Variants in TPSD1 observed in about 807,000 individuals in gnomAD.
TPSD1 encodes the protein tryptase delta 1.
In TPSD1, 30 loss-of-function variants were observed where a neutral mutation model predicts 25.4. That is an observed-to-expected ratio of 1.18 (90% CI 0.88 to 1.60). The LOEUF is 1.60. Among genes scored for constraint, TPSD1 ranks in the 40% most tolerant of loss-of-function variants. The probability of loss-of-function intolerance (pLI) is 0.00; values close to 1 mark genes in which losing one functional copy is unlikely to be tolerated. For synonymous variants in TPSD1, 176 were observed against 149.4 expected (o/e 1.18, Z -1.30); for missense variants, 420 against 324.2 (o/e 1.30, Z -2.27).
In TPSD1 at chr16:1,256,990, C is replaced by A. The variant is rs1292892290; in HGVS notation, c.448C>A (p.Pro150Thr). ...ISSHIHTVTL[P>T]PASETFPPGM... is the part of the protein sequence containing the mutation. ...CAGCCACATCCACACGGTCACGCTG[C>A]CCCCTGCCTCGGAGACCTTCCCCCC... Residue 150 changes from proline to threonine, a missense_variant, in exon 3 of 5, where the codon CCC (proline) becomes ACC (threonine). By Grantham distance (38) the Pro-to-Thr change is conservative. Coordinates refer to ENST00000211076, the MANE Select transcript of TPSD1 (RefSeq NM_012217.3). 1 of 1,613,534 alleles carries A rather than the reference C, an allele frequency of 6.2e-7. No individual in the cohort carries two copies. Among genetic ancestry groups the A allele is most frequent in the Middle Eastern group, 1.7e-4 (1 of 6,044 alleles).
Position 1,257,081 on chromosome 16 carries a change from G to A in TPSD1, c.520+19G>A, listed in dbSNP as rs778458088. 1.3e-5 allele frequency: 21 copies of A among 1,581,710 alleles called. No homozygotes were observed. The highest frequency in any genetic ancestry group is 4.0e-5 in the African/African-American group (3 of 74,618). ...AATAATGGTGGGTGTTGGGGACAGCGGGAGGCCGGGCCAGGTGGGCACCAA... is the reference window on the plus strand; with the variant it reads ...AATAATGGTGGGTGTTGGGGACAGCAGGAGGCCGGGCCAGGTGGGCACCAA... On this transcript the variant is annotated intron_variant, in intron 3 of 4. Transcript: ENST00000211076.
chr16:1,257,834 C>G (rs2031008112), intron 3 of TPSD1: 2 of 602,764 alleles, frequency 3.3e-6, no homozygotes, highest in Non-Finnish European at 2.9e-6. Context: ...ACCTCCAGGG[C>G]CCTCCCCTCC....
chr16:1,257,065 G>C lies in TPSD1; in HGVS notation c.520+3G>C. The C allele has an allele frequency of 6.2e-7, 1 of 1,602,362 alleles. No homozygotes were observed. The highest frequency in any genetic ancestry group is 1.3e-5 in the African/African-American group (1 of 74,910). ...CTGGGGCGACGTGGACAATAATGGT[G>C]GGTGTTGGGGACAGCGGGAGGCCGG... is the stretch of plus-strand genomic sequence containing the variant. On this transcript the variant is annotated splice_donor_region_variant and intron_variant, in intron 3 of 4. Coordinates refer to ENST00000211076, the MANE Select transcript of TPSD1 (RefSeq NM_012217.3).
chr16:1,257,931 G>C (rs531313712), intron 3 of TPSD1, 128 bp from the exon 4 acceptor site: 6 of 1,037,748 alleles, frequency 5.8e-6, no homozygotes, highest in African/African-American at 1.6e-5. Flanking sequence ...CCCCTTCCCC[G>C]GGGCTGCAGG....
At chr16:1,257,996 C>T (rs2031010754) in intron 3 of TPSD1, 63 bp from the exon 4 acceptor site, 3 of 1,516,078 alleles carry the variant, frequency 2.0e-6, no homozygotes, top group Non-Finnish European at 2.7e-6. Flanking sequence ...ACTCTGCCAC[C>T]AAGTCCACGA....
At position 1,258,606 on chromosome 16, in the gene TPSD1, GA is replaced by G. The variant is rs2031030250; in HGVS notation, c.*231del. On this transcript the variant is annotated 3_prime_UTR_variant, in exon 5 of 5. Transcript: ENST00000211076. The stretch of plus-strand genomic sequence containing the variant: ...TGCCCCCCACACCTTCCCCCATCCT[GA>G]GTCCCCTCTCCCATCCTGAGCCCTG... 1 of 1,205,522 alleles carries G rather than the reference GA, an allele frequency of 8.3e-7. No homozygotes were observed. Among genetic ancestry groups the G allele is most frequent in the Non-Finnish European group, 1.1e-6 (1 of 895,944 alleles). 74.7% of individuals were successfully genotyped at this position (1,205,522 alleles called of 1,614,324 possible). A position where few individuals can be genotyped will look rare whatever the true frequency, so the allele number is the denominator to read the frequency against.
Position 1,256,122 on chromosome 16 carries a change from C to G in TPSD1, c.-159C>G. ...TCCCTACTCTCAGAGACCCTGACAT[C>G]AGCGTCACCTGGAGCAGAGTGGCCC... On this transcript the variant is annotated 5_prime_UTR_variant, in exon 1 of 5. In the 5' UTR this introduces an upstream ATG that the reference lacks. Coordinates refer to ENST00000211076, the MANE Select transcript of TPSD1 (RefSeq NM_012217.3). The G allele has an allele frequency of 8.3e-7, 1 of 1,200,110 alleles. No individual in the cohort carries two copies. The highest frequency in any genetic ancestry group is 1.2e-6 in the Non-Finnish European group (1 of 845,640). The allele number at this position is 1,200,110 out of a possible 1,614,324, so 74.3% of individuals were successfully genotyped here.
Position 1,256,577 on chromosome 16 carries a change from G to C in TPSD1, c.144G>C (p.Lys48Asn). ...IVGGQEAPRS[K>N]WPWQVSLRVR... ...GGGGGCAGGAGGCCCCCAGGAGCAA[G>C]TGGCCCTGGCAGGTGAGCCTGAGAG... is the stretch of plus-strand genomic sequence containing the variant. The change falls in exon 2 of 5, where the codon AAG becomes AAC. Residue 48 changes from lysine (K) to asparagine (N), a missense_variant. By Grantham distance (94) the Lys-to-Asn change is moderately conservative (BLOSUM62 0). Transcript: ENST00000211076. 1 of 1,612,548 alleles carries C rather than the reference G, an allele frequency of 6.2e-7. No individual in the cohort carries two copies. Among genetic ancestry groups the C allele is most frequent in the Non-Finnish European group, 8.5e-7 (1 of 1,179,736 alleles).
In TPSD1 at chr16:1,258,519, G is replaced by C; in HGVS notation, c.*143G>C. The C allele has an allele frequency of 6.2e-7, 1 of 1,606,036 alleles. No individual in the cohort carries two copies. Among genetic ancestry groups the C allele is most frequent in the Non-Finnish European group, 8.5e-7 (1 of 1,175,568 alleles). ...TGAGCCAGGCCTGGGGTGTCCACCC[G>C]GGTCACTGGAGGGCCAGCCCCTCCT... On this transcript the variant is annotated 3_prime_UTR_variant, in exon 5 of 5. Coordinates refer to ENST00000211076, the MANE Select transcript of TPSD1 (RefSeq NM_012217.3).
At chr16:1,256,767 G>T (rs752409028) in intron 2 of TPSD1, 30 bp from the exon 3 acceptor site, 4 of 1,612,218 alleles carry the variant, frequency 2.5e-6, no homozygotes, top group South Asian at 2.2e-5. Context: ...GGGCTGCCCA[G>T]GGCCCTGAGT....
At chr16:1,257,095 G>A (rs770047627) in intron 3 of TPSD1, 33 bp downstream of exon 3, 3 of 1,562,050 alleles carry the variant, frequency 1.9e-6, no homozygotes, top group South Asian at 2.4e-5. Context: ...GGCCGGGCCA[G>A]GTGGGCACCA....
chr16:1,257,604 G>A (rs766593302), intron 3 of TPSD1, among the ~76,000 whole-genome samples: 9 of 152,190 alleles, frequency 5.9e-5, no homozygotes, highest in Non-Finnish European at 1.0e-4. Flanking sequence ...CAGCCTGAGC[G>A]GCAACCCTGG....
At position 1,258,563 on chromosome 16, in the gene TPSD1, T is replaced by G. The variant is rs1400150008; in HGVS notation, c.*187T>G. The G allele has an allele frequency of 1.9e-6, 3 of 1,562,994 alleles. No individual in the cohort carries two copies. Among genetic ancestry groups the G allele is most frequent in the African/African-American group, 1.4e-5 (1 of 73,864 alleles). ...CCCTCCTGTCCAAACCACCACTGCT[T>G]CCTACCCAGGTGGTGACTGCCCCCC... On this transcript the variant is annotated 3_prime_UTR_variant, in exon 5 of 5. Transcript: ENST00000211076.
rs2031017475 is a variant in TPSD1, at chr16:1,258,180, T to C, written c.642T>C (p.Asp214=). 1 of 1,612,976 alleles carries C rather than the reference T, an allele frequency of 6.2e-7. No homozygotes were observed. The highest frequency in any genetic ancestry group is 8.5e-7 in the Non-Finnish European group (1 of 1,179,900). ...GCCACAGCTTTCAAATCGTCCGCGATGACATGCTGTGTGCGGGGAGCGAAA... is the reference window on the plus strand; with the variant it reads ...GCCACAGCTTTCAAATCGTCCGCGACGACATGCTGTGTGCGGGGAGCGAAA... The part of the protein sequence containing the change: ...HTGHSFQIVR[D]DMLCAGSENH... The change falls in exon 4 of 5, where the codon GAT becomes GAC. Residue 214 remains aspartate, a synonymous_variant. Transcript: ENST00000211076.
At position 1,258,531 on chromosome 16, in the gene TPSD1, G is replaced by A. The variant is rs1034897147; in HGVS notation, c.*155G>A. On this transcript the variant is annotated 3_prime_UTR_variant, in exon 5 of 5. Coordinates refer to ENST00000211076, the MANE Select transcript of TPSD1 (RefSeq NM_012217.3). ...GGGGTGTCCACCCGGGTCACTGGAG[G>A]GCCAGCCCCTCCTGTCCAAACCACC... The A allele has an allele frequency of 6.2e-7, 1 of 1,600,154 alleles. No homozygotes were observed. Among genetic ancestry groups the A allele is most frequent in the East Asian group, 2.2e-5 (1 of 44,756 alleles).
chr16:1,257,377 C>T (rs1286933396), intron 3 of TPSD1: 9 of 447,410 alleles, frequency 2.0e-5, no homozygotes, highest in African/African-American at 7.8e-5. Flanking sequence ...AGAAATCACA[C>T]GGGGGTCTTG....
At chr16:1,257,096 G>T (rs1380080038) in intron 3 of TPSD1, 34 bp downstream of exon 3, 11 of 1,560,636 alleles carry the variant, frequency 7.0e-6, no homozygotes, top group Non-Finnish European at 6.9e-6. Context: ...GCCGGGCCAG[G>T]TGGGCACCAA....
chr16:1,258,145 C>G lies in TPSD1; in HGVS notation c.607C>G (p.Leu203Val), dbSNP rs769666085. The change falls in exon 4 of 5, where the codon CTC (leucine) becomes GTC (valine). Residue 203 changes from leucine to valine, a missense_variant. Leu to Val is a conservative substitution (Grantham distance 32, BLOSUM62 1). Coordinates refer to ENST00000211076, the MANE Select transcript of TPSD1 (RefSeq NM_012217.3). ...TTGCAACGCGGAATATCACACCGGC[C>G]TCCATACGGGCCACAGCTTTCAAAT... is the stretch of plus-strand genomic sequence containing the variant. ...HLCNAEYHTG[L>V]HTGHSFQIVR... 6.2e-7 allele frequency: 1 copy of G among 1,612,208 alleles called. No individual in the cohort carries two copies. Among genetic ancestry groups the G allele is most frequent in the Non-Finnish European group, 8.5e-7 (1 of 1,179,576 alleles).
At chr16:1,257,852 A>G in intron 3 of TPSD1, 1 of 620,636 alleles carries the variant, frequency 1.6e-6, no homozygotes, top group South Asian at 2.0e-5. Flanking sequence ...TCCCTTCCCC[A>G]GATGGGGCTT....
Sources: allele counts gnomAD v4.1 joint callset (sites outside exome capture counted in the v4.1 genomes callset), GRCh38; gene constraint gnomAD v4.1.1; transcripts MANE v1.5; gene names NCBI Gene and HGNC (gene_info 2026-07-23, HGNC 2026-07-21).